DIS3L2: variants seen among roughly 807,000 people sequenced by gnomAD.
DIS3L2 encodes the protein DIS3-like exonuclease 2.
DIS3L2 carries 34 observed loss-of-function variants against 97.5 expected under a neutral mutation model. That is an observed-to-expected ratio of 0.35 (90% CI 0.27 to 0.46). The LOEUF (loss-of-function observed/expected upper bound fraction) is 0.46. Ranked by LOEUF, DIS3L2 falls within the 20% of genes least tolerant of loss-of-function variation. DIS3L2 has a pLI of 1.00. For synonymous variants in DIS3L2, 435 were observed against 445.2 expected (o/e 0.98, Z 0.29); for missense variants, 1,038 against 1,146.0 (o/e 0.91, Z 1.36).
chr2:232,086,645 GTATA>G (rs1308028353), intron 5 of DIS3L2, among the ~76,000 whole-genome samples: 1 of 51,238 alleles, frequency 2.0e-5, no homozygotes, highest in African/African-American at 1.1e-4. Flanking sequence ...ATATATATAT[GTATA>G]TATATATATA....
chr2:232,303,910 T>C (rs2102843), intron 14 of DIS3L2, among the ~76,000 whole-genome samples: 18,773 of 152,166 alleles, frequency 0.12, 1,762 homozygotes, highest in African/African-American at 0.27. Flanking sequence ...CTAGGACTTG[T>C]CCATTTCTCA....
At position 232,300,291 on chromosome 2, in the gene DIS3L2, T is replaced by C. The variant is rs528196343; in HGVS notation, c.1739+172T>C. On this transcript the variant is annotated intron_variant, in intron 14 of 20. Coordinates refer to ENST00000325385, the MANE Select transcript of DIS3L2 (RefSeq NM_152383.5). ...AAATAGTCCTCTTGTAAGATCTCTT[T>C]GCCCCTAAGTATAGAACTTGGAGCA... is the stretch of plus-strand genomic sequence containing the variant. Among the ~76,000 whole-genome samples, 7 of 152,330 alleles carry C rather than the reference T, an allele frequency of 4.6e-5. No homozygotes were observed. The South Asian group carries it at 1.4e-3, about 32-fold the overall frequency.
At chr2:232,079,547 C>T (rs1485022186) in intron 5 of DIS3L2, among the ~76,000 whole-genome samples, 3 of 141,892 alleles carry the variant, frequency 2.1e-5, no homozygotes, top group Non-Finnish European at 4.5e-5. Flanking sequence ...TTGCAGTGAG[C>T]CGAGATTGCG....
chr2:232,046,230 C>T (rs1695240540), intron 5 of DIS3L2, among the ~76,000 whole-genome samples: 1 of 152,124 alleles, frequency 6.6e-6, no homozygotes, highest in Admixed American at 6.5e-5. Context: ...GATACATTGG[C>T]TTTGGGCCTT....
chr2:232,104,028 A>C (rs757241839), intron 6 of DIS3L2, among the ~76,000 whole-genome samples: 3 of 151,512 alleles, frequency 2.0e-5, no homozygotes, highest in African/African-American at 4.9e-5. Context: ...CTAGCTAGTG[A>C]CTTAATCTGT....
chr2:232,050,553 G>A (rs1336633888), intron 5 of DIS3L2, among the ~76,000 whole-genome samples: 1 of 152,078 alleles, frequency 6.6e-6, no homozygotes, highest in Non-Finnish European at 1.5e-5. Context: ...TGGGATTACA[G>A]GCGTGAGCCA....
chr2:232,115,408 A>G (rs992915858), intron 6 of DIS3L2, among the ~76,000 whole-genome samples: 4 of 152,234 alleles, frequency 2.6e-5, no homozygotes, highest in Admixed American at 6.5e-5. Context: ...TTGAAAGAGA[A>G]AAGTTAAATT....
intron 13 of DIS3L2, among the ~76,000 whole-genome samples, chr2:232,279,514 GTTTGTTT>G (rs1694228267): frequency 6.8e-6 from 1 of 147,852 alleles, no homozygotes; most frequent in East Asian, 2.4e-4. Flanking sequence ...GTGTTTGTTT[GTTTGTTT>G]GTTTGTTTGT....
At chr2:232,136,115 G>A (rs1388298452) in intron 7 of DIS3L2, among the ~76,000 whole-genome samples, 3 of 152,162 alleles carry the variant, frequency 2.0e-5, no homozygotes, top group African/African-American at 7.2e-5. Flanking sequence ...TGTTGTTTGT[G>A]TGAGATACTA....
downstream of DIS3L2, among the ~76,000 whole-genome samples, chr2:232,339,271 G>T (rs1447909827): frequency 1.3e-5 from 2 of 152,238 alleles, no homozygotes; most frequent in Non-Finnish European, 2.9e-5. Context: ...GGAGGAACGG[G>T]CATGAAGCTT....
intron 9 of DIS3L2, among the ~76,000 whole-genome samples, chr2:232,189,045 A>G (rs1691533101): frequency 6.6e-6 from 1 of 152,220 alleles, no homozygotes; most frequent in South Asian, 2.1e-4. Context: ...TCTAAAGTAA[A>G]ATAATGAAAA....
intron 10 of DIS3L2, among the ~76,000 whole-genome samples, chr2:232,219,659 T>A (rs550014278): frequency 6.6e-6 from 1 of 152,306 alleles, no homozygotes; most frequent in African/African-American, 2.4e-5. Context: ...GCTCTGTGAA[T>A]TGGCCCACGT....
At chr2:232,052,275 C>T (rs970224702) in intron 5 of DIS3L2, among the ~76,000 whole-genome samples, 11 of 152,162 alleles carry the variant, frequency 7.2e-5, no homozygotes, top group African/African-American at 2.7e-4. Flanking sequence ...CCACCTGCCT[C>T]GGCTTCCCAA....
chr2:231,992,025 G>C (rs946538289), intron 1 of DIS3L2, among the ~76,000 whole-genome samples: 1 of 152,206 alleles, frequency 6.6e-6, no homozygotes, highest in Non-Finnish European at 1.5e-5. Context: ...GTATTACTTT[G>C]CTGTGGTATG....
At chr2:232,297,511 C>T (rs1273755852) in intron 13 of DIS3L2, among the ~76,000 whole-genome samples, 1 of 152,132 alleles carries the variant, frequency 6.6e-6, no homozygotes, top group Non-Finnish European at 1.5e-5. Context: ...GACCAAAAGA[C>T]ACAGGAAACC....
chr2:232,162,646 A>G (rs1690687385), intron 8 of DIS3L2, among the ~76,000 whole-genome samples: 3 of 152,354 alleles, frequency 2.0e-5, no homozygotes, highest in East Asian at 3.9e-4. Context: ...GACTTGTACA[A>G]CAGAGGAGAT....
At chr2:232,048,241 G>T (rs1197380605) in intron 5 of DIS3L2, among the ~76,000 whole-genome samples, 1 of 152,094 alleles carries the variant, frequency 6.6e-6, no homozygotes, top group Non-Finnish European at 1.5e-5. Flanking sequence ...TGTTTTCTTT[G>T]GCATTTAGTC....
intron 10 of DIS3L2, among the ~76,000 whole-genome samples, chr2:232,230,232 G>T (rs960093924): frequency 6.6e-6 from 1 of 152,194 alleles, no homozygotes; most frequent in Admixed American, 6.5e-5. Flanking sequence ...CAAGTAAAAG[G>T]TGGAGTTTAT....
chr2:232,093,027 G>T (rs1313476023), intron 6 of DIS3L2, among the ~76,000 whole-genome samples: 1 of 152,120 alleles, frequency 6.6e-6, no homozygotes, highest in Admixed American at 6.5e-5. Context: ...CTGTGGGTCT[G>T]TCCTATGCAG....
Sources: allele counts gnomAD v4.1 joint callset (sites outside exome capture counted in the v4.1 genomes callset), GRCh38; gene constraint gnomAD v4.1.1; transcripts MANE v1.5; gene names NCBI Gene and HGNC (gene_info 2026-07-23, HGNC 2026-07-21).